The following PIP5K1C variants were observed in gnomAD, a reference collection of about 807,000 sequenced individuals.
The protein encoded by PIP5K1C is phosphatidylinositol 4-phosphate 5-kinase type-1 gamma.
A neutral mutation model predicts 80.1 loss-of-function variants in PIP5K1C; 45 were observed. That is an observed-to-expected ratio of 0.56 (90% CI 0.44 to 0.72). PIP5K1C has a LOEUF of 0.72. PIP5K1C is among the 30% of genes least tolerant of loss of function. The probability of loss-of-function intolerance (pLI) is 0.00; values close to 1 mark genes in which losing one functional copy is unlikely to be tolerated. For synonymous variants in PIP5K1C, 498 were observed against 420.1 expected, an observed-to-expected ratio of 1.19 and a Z score of -2.27; for missense variants, 753 against 954.6, an observed-to-expected ratio of 0.79 and a Z score of 2.78.
chr19:3,672,290 T>C (rs2035232815), intron 1 of PIP5K1C, among the ~76,000 whole-genome samples: 1 of 152,218 alleles, frequency 6.6e-6, no homozygotes, highest in South Asian at 2.1e-4. Flanking sequence ...GTCTCCGCCC[T>C]GGCCCTGCCA....
chr19:3,691,854 G>A (rs1255152414), intron 1 of PIP5K1C, among the ~76,000 whole-genome samples: 1 of 152,216 alleles, frequency 6.6e-6, no homozygotes, highest in African/African-American at 2.4e-5. Flanking sequence ...AGCGAGAAAT[G>A]AGCCTCTGGG....
At chr19:3,699,771 G>A (rs1041869307) in intron 1 of PIP5K1C, among the ~76,000 whole-genome samples, 3 of 152,160 alleles carry the variant, frequency 2.0e-5, no homozygotes, top group Non-Finnish European at 4.4e-5. Context: ...GAGAGGAAAA[G>A]GGGGCGACAG....
intron 1 of PIP5K1C, among the ~76,000 whole-genome samples, chr19:3,668,177 T>TC (rs1260947324): frequency 1.3e-4 from 19 of 151,766 alleles, no homozygotes; most frequent in African/African-American, 4.6e-4. Flanking sequence ...AGCACCTTCC[T>TC]CCATGCAAGG....
rs146706218 is a variant in PIP5K1C, at chr19:3,685,318, G to A, written c.94+14979C>T. Among the ~76,000 whole-genome samples the A allele has an allele frequency of 3.0e-3, 457 of 152,250 alleles. 2 individuals are homozygous for A. Among genetic ancestry groups the A allele is most frequent in the Non-Finnish European group, 4.9e-3 (330 of 68,010 alleles). On this transcript the variant is annotated intron_variant, in intron 1 of 17. Transcript: ENST00000335312. The stretch of plus-strand genomic sequence containing the variant: ...CTAGAACTTTCTCCTAGACAACTTC[G>A]GCACAGGTAAAAAGACAGGAGTCTC...
chr19:3,699,864 A>G (rs2036242267), intron 1 of PIP5K1C, among the ~76,000 whole-genome samples: 1 of 152,122 alleles, frequency 6.6e-6, no homozygotes, highest in Non-Finnish European at 1.5e-5. Context: ...AGGGAGGTAA[A>G]CTGAGGCCCA....
intron 1 of PIP5K1C, among the ~76,000 whole-genome samples, chr19:3,668,088 G>A (rs941165563): frequency 6.6e-6 from 1 of 152,092 alleles, no homozygotes; most frequent in African/African-American, 2.4e-5. Context: ...AGCGCAGCAG[G>A]GCCTGGGCCG....
chr19:3,637,716 C>A lies in PIP5K1C; in HGVS notation c.1920+1168G>T. On this transcript the variant is annotated intron_variant, in intron 16 of 17. Coordinates refer to ENST00000335312, the MANE Select transcript of PIP5K1C (RefSeq NM_012398.3). The surrounding 1 kb of genome is among the most constrained non-coding windows in gnomAD (Gnocchi z 7.0). ...GGGTGGGAGAGGCGGAGGGAGGTGG[C>A]GGGGAGCAGGTGGGGACAGCTGACT... is the stretch of plus-strand genomic sequence containing the variant. 2 of 1,296,408 alleles carry A rather than the reference C, an allele frequency of 1.5e-6. No individual in the cohort carries two copies. The highest frequency in any genetic ancestry group is 2.0e-6 in the Non-Finnish European group (2 of 994,070). The allele number at this position is 1,296,408 out of a possible 1,614,324, so 80.3% of individuals were successfully genotyped here.
intron 9 of PIP5K1C, among the ~76,000 whole-genome samples, chr19:3,647,881 A>G (rs546393878): frequency 1.3e-5 from 2 of 152,350 alleles, no homozygotes; most frequent in South Asian, 4.1e-4. Context: ...CAGAAGGCAG[A>G]GGTTGCAGTG....
chr19:3,659,890 C>A (rs764280630), intron 5 of PIP5K1C, among the ~76,000 whole-genome samples: 2 of 152,198 alleles, frequency 1.3e-5, no homozygotes, highest in Non-Finnish European at 2.9e-5. Flanking sequence ...AGGGCAGGAT[C>A]GGAGAACCAC....
rs2145416488 is a variant in PIP5K1C, at chr19:3,646,020, C to T, written c.1299G>A (p.Glu433=). The T allele has an allele frequency of 6.2e-7, 1 of 1,613,228 alleles. No individual in the cohort carries two copies. Among genetic ancestry groups the T allele is most frequent in the East Asian group, 2.2e-5 (1 of 44,840 alleles). Residue 433 remains glutamate, a synonymous_variant, in exon 11 of 18, where the codon GAG becomes GAA. Coordinates refer to ENST00000335312, the MANE Select transcript of PIP5K1C (RefSeq NM_012398.3). ...TGTTGCTCATGAACTTGAAAAAGCG[C>T]TCGGCATAGAAGCTGGGGCGGTGGA... ...VSVHRPSFYA[E]RFFKFMSNTV... is the part of the protein sequence containing the mutation.
At chr19:3,635,595 G>A (rs570582321) in intron 16 of PIP5K1C, among the ~76,000 whole-genome samples, 245 of 152,156 alleles carry the variant, frequency 1.6e-3, no homozygotes, top group Middle Eastern at 6.8e-3. Context: ...TGAGGCAGAA[G>A]AATCGCTTGA....
chr19:3,636,056 C>T (rs2033674597), intron 16 of PIP5K1C, among the ~76,000 whole-genome samples: 1 of 152,100 alleles, frequency 6.6e-6, no homozygotes, highest in Non-Finnish European at 1.5e-5. Flanking sequence ...ACTCAGGAGG[C>T]TGAGGCAGGA....
At chr19:3,658,915 CCT>C (rs1352306017) in intron 5 of PIP5K1C, among the ~76,000 whole-genome samples, 1 of 152,202 alleles carries the variant, frequency 6.6e-6, no homozygotes, top group Non-Finnish European at 1.5e-5. Context: ...CCCCCCACAG[CCT>C]CCTTCGTCGG....
rs113202185 is a variant in PIP5K1C, at chr19:3,651,535, A to C, written c.1127+291T>G. Reference sequence around the variant, plus strand: ...CCTCTGAGTGCCACCGGGAAACGCTATCTCTCTCTCATTCCTGTGGATGGC... The same window carrying C: ...CCTCTGAGTGCCACCGGGAAACGCTCTCTCTCTCTCATTCCTGTGGATGGC... On this transcript the variant is annotated intron_variant, in intron 8 of 17. Coordinates refer to ENST00000335312, the MANE Select transcript of PIP5K1C (RefSeq NM_012398.3). Among the ~76,000 whole-genome samples the C allele has an allele frequency of 9.4e-3, 1,433 of 152,166 alleles. 24 individuals carry two copies. Among genetic ancestry groups the C allele is most frequent in the African/African-American group, 0.031 (1,291 of 41,510 alleles).
Position 3,700,410 on chromosome 19 carries a change from C to A in PIP5K1C, c.-20G>T. 1.8e-6 allele frequency: 2 copies of A among 1,083,812 alleles called. No homozygotes were observed. Among genetic ancestry groups the A allele is most frequent in the South Asian group, 7.3e-5 (2 of 27,576 alleles). 67.1% of individuals were successfully genotyped at this position (1,083,812 alleles called of 1,614,324 possible). ...CTCCATGGCCGCGCGCGGACGGCGG[C>A]GGGGGCGCCCGAGGGGGACCCGAGC... On this transcript the variant is annotated 5_prime_UTR_variant, in exon 1 of 18. Coordinates refer to ENST00000335312, the MANE Select transcript of PIP5K1C (RefSeq NM_012398.3).
intron 8 of PIP5K1C, among the ~76,000 whole-genome samples, chr19:3,651,128 C>T (rs899243441): frequency 2.0e-5 from 3 of 149,894 alleles, no homozygotes; most frequent in African/African-American, 7.4e-5. Context: ...GATCTTGGCT[C>T]ACTGCAACCT....
intron 1 of PIP5K1C, among the ~76,000 whole-genome samples, chr19:3,671,996 C>A (rs993506918): frequency 1.3e-4 from 20 of 152,190 alleles, no homozygotes; most frequent in African/African-American, 3.9e-4. Context: ...GAGCAGTTTC[C>A]GCTGGCCAGG....
chr19:3,645,096 A>T (rs919969393), intron 11 of PIP5K1C, among the ~76,000 whole-genome samples: 1 of 152,204 alleles, frequency 6.6e-6, no homozygotes, highest in Non-Finnish European at 1.5e-5. Flanking sequence ...CCTGACCTCG[A>T]GGCCGTGAGC....
intron 4 of PIP5K1C, among the ~76,000 whole-genome samples, chr19:3,661,302 T>C (rs931648406): frequency 1.6e-5 from 2 of 125,788 alleles, no homozygotes; most frequent in African/African-American, 5.6e-5. Context: ...GGGCCCACAG[T>C]GTTGGCCAGG....
Sources: gnomAD v4.1 joint callset for allele counts (sites outside exome capture counted in the v4.1 genomes callset) on GRCh38, gnomAD v4.1.1 for gene constraint, Gnocchi (gnomAD v3.1) non-coding constraint, MANE v1.5 for transcripts, NCBI Gene and HGNC (gene_info 2026-07-23, HGNC 2026-07-21) for gene names.